The following HPSE2 variants were observed in gnomAD, a reference collection of about 807,000 sequenced individuals.
HPSE2 encodes inactive heparanase-2.
A neutral mutation model predicts 60.5 loss-of-function variants in HPSE2; 38 were observed. The observed-to-expected ratio is 0.63, with a 90% CI of 0.48 to 0.82. The LOEUF is 0.82. Among genes scored for constraint, HPSE2 ranks in the 40% least tolerant of loss-of-function variants. HPSE2 has a pLI of 0.00. For missense variants in HPSE2, 713 were observed against 740.4 expected (o/e 0.96, Z 0.43); for synonymous variants, 295 against 293.2 (o/e 1.01, Z -0.06).
At chr10:99,082,129 A>G (rs1204073759) in intron 3 of HPSE2, among the ~76,000 whole-genome samples, 1 of 152,174 alleles carries the variant, frequency 6.6e-6, no homozygotes, top group African/African-American at 2.4e-5. Flanking sequence ...CTGCACACGA[A>G]TTTATAAAGG....
chr10:98,762,825 G>C (rs1453935414), intron 3 of HPSE2, among the ~76,000 whole-genome samples: 2 of 152,028 alleles, frequency 1.3e-5, no homozygotes, highest in Non-Finnish European at 2.9e-5. Context: ...AAGAAAATCT[G>C]ACCAATTCTC....
At chr10:98,713,129 C>T in intron 5 of HPSE2, among the ~76,000 whole-genome samples, 1 of 151,902 alleles carries the variant, frequency 6.6e-6, no homozygotes, top group Non-Finnish European at 1.5e-5. Flanking sequence ...TAGCACATAA[C>T]CAGGCCCATG....
At chr10:99,145,676 G>A (rs1241532562) in intron 2 of HPSE2, among the ~76,000 whole-genome samples, 1 of 152,196 alleles carries the variant, frequency 6.6e-6, no homozygotes, top group East Asian at 1.9e-4. Flanking sequence ...AAAAATAACT[G>A]CTTTGCCACT....
chr10:98,572,643 T>A (rs1197309045), intron 9 of HPSE2, among the ~76,000 whole-genome samples: 1 of 152,246 alleles, frequency 6.6e-6, no homozygotes, highest in Non-Finnish European at 1.5e-5. Flanking sequence ...ACTAATGCAA[T>A]CCATAAGCAG....
At chr10:98,502,256 A>G (rs969797879) in intron 9 of HPSE2, among the ~76,000 whole-genome samples, 3 of 152,240 alleles carry the variant, frequency 2.0e-5, no homozygotes, top group Non-Finnish European at 4.4e-5. Flanking sequence ...ACTAAGCAAA[A>G]AGAACAAATT....
At chr10:98,746,947 C>T (rs1401450588) in intron 3 of HPSE2, among the ~76,000 whole-genome samples, 2 of 152,066 alleles carry the variant, frequency 1.3e-5, no homozygotes, top group East Asian at 3.9e-4. Context: ...CTCTATTTAA[C>T]AGAACACTGG....
At chr10:99,221,208 T>C (rs767198387) in intron 2 of HPSE2, among the ~76,000 whole-genome samples, 6 of 152,258 alleles carry the variant, frequency 3.9e-5, no homozygotes, top group East Asian at 1.9e-4. Flanking sequence ...ATGCATTACA[T>C]TGATAATAAA....
At chr10:98,837,730 C>T (rs1190127788) in intron 3 of HPSE2, among the ~76,000 whole-genome samples, 1 of 151,974 alleles carries the variant, frequency 6.6e-6, no homozygotes, top group Non-Finnish European at 1.5e-5. Flanking sequence ...AAAAATTAGC[C>T]GGGCGTGGTG....
At position 99,200,631 on chromosome 10, in the gene HPSE2, C is replaced by T. The variant is rs564070535; in HGVS notation, c.448+31717G>A. 6.9e-4 allele frequency among the ~76,000 whole-genome samples: 104 copies of T among 151,774 alleles called. 1 individual carries two copies. Among genetic ancestry groups the T allele is most frequent in the African/African-American group, 2.5e-3 (102 of 41,448 alleles). On this transcript the variant is annotated intron_variant, in intron 2 of 11. Coordinates refer to ENST00000370552, the MANE Select transcript of HPSE2 (RefSeq NM_021828.5). ...TGGTAGGTATAATATGAATACAATGCCTGGTTCATATTAAATGTTTTAATA... is the reference window on the plus strand; with the variant it reads ...TGGTAGGTATAATATGAATACAATGTCTGGTTCATATTAAATGTTTTAATA...
chr10:99,214,508 TA>T (rs1229591284), intron 2 of HPSE2, among the ~76,000 whole-genome samples: 3 of 152,182 alleles, frequency 2.0e-5, no homozygotes, highest in African/African-American at 7.2e-5. Context: ...AATTTAGTCA[TA>T]AAAGGAAATG....
chr10:99,114,901 CAA>C (rs1223188167), intron 3 of HPSE2, among the ~76,000 whole-genome samples: 121 of 54,490 alleles, frequency 2.2e-3, no homozygotes, highest in Non-Finnish European at 3.9e-3. Flanking sequence ...GACTCCGTCT[CAA>C]AAAAAAAAAA....
At chr10:98,973,679 C>T (rs937781320) in intron 3 of HPSE2, among the ~76,000 whole-genome samples, 1 of 151,920 alleles carries the variant, frequency 6.6e-6, no homozygotes, top group African/African-American at 2.4e-5. Flanking sequence ...TTAAGTTTAC[C>T]CTACCAAATG....
chr10:99,242,969 A>C, the HPSE2 span, among the ~76,000 whole-genome samples: 1 of 152,188 alleles, frequency 6.6e-6, no homozygotes, highest in African/African-American at 2.4e-5. Flanking sequence ...CTACAACCTA[A>C]GGTTTTGAAA....
intron 3 of HPSE2, among the ~76,000 whole-genome samples, chr10:99,087,492 T>C (rs1843363178): frequency 6.6e-6 from 1 of 152,258 alleles, no homozygotes; most frequent in Admixed American, 6.5e-5. Context: ...ATTCCTAACA[T>C]GACTGCTGAA....
intron 2 of HPSE2, among the ~76,000 whole-genome samples, chr10:99,179,369 C>T (rs1227172547): frequency 6.6e-6 from 1 of 151,916 alleles, no homozygotes; most frequent in Non-Finnish European, 1.5e-5. Context: ...ATTTAGAAAA[C>T]CCCATCGCAA....
At chr10:98,978,850 A>G (rs1464510256) in intron 3 of HPSE2, among the ~76,000 whole-genome samples, 1 of 152,186 alleles carries the variant, frequency 6.6e-6, no homozygotes, top group Admixed American at 6.5e-5. Flanking sequence ...TTGTAACCCT[A>G]AAGTCAGTAT....
At chr10:99,250,736 A>C in the HPSE2 span, among the ~76,000 whole-genome samples, 4 of 152,202 alleles carry the variant, frequency 2.6e-5, no homozygotes, top group Non-Finnish European at 5.9e-5. Flanking sequence ...AAAATTAAAC[A>C]ATTTTCTCCT....
chr10:98,643,028 T>G (rs1470466340), intron 6 of HPSE2, among the ~76,000 whole-genome samples: 4 of 152,254 alleles, frequency 2.6e-5, no homozygotes, highest in African/African-American at 9.6e-5. Flanking sequence ...GGCAGGTACT[T>G]TAGTTGAGGT....
intron 9 of HPSE2, among the ~76,000 whole-genome samples, chr10:98,600,712 A>T: frequency 6.7e-6 from 1 of 150,080 alleles, no homozygotes; most frequent in African/African-American, 2.4e-5. Context: ...GAGAAACAGA[A>T]CCTATACTAA....
Sources: gnomAD v4.1 joint callset for allele counts (sites outside exome capture counted in the v4.1 genomes callset) on GRCh38, gnomAD v4.1.1 for gene constraint, MANE v1.5 for transcripts, NCBI Gene and HGNC (gene_info 2026-07-23, HGNC 2026-07-21) for gene names.